GALNT17: variants seen among roughly 807,000 people sequenced by gnomAD.
GALNT17 encodes polypeptide N-acetylgalactosaminyltransferase 17, also known as UDP-GalNAc:polypeptide N-acetylgalactosaminyltransferase-like 3.
GALNT17 carries 29 observed loss-of-function variants against 63.7 expected under a neutral mutation model. That is an observed-to-expected ratio of 0.46 (90% CI 0.34 to 0.62). GALNT17 has a LOEUF of 0.62. Among genes scored for constraint, GALNT17 ranks in the 20% least tolerant of loss-of-function variants. The pLI, the probability that GALNT17 is intolerant of heterozygous loss-of-function variation, is 0.01. For missense variants in GALNT17, 603 were observed against 799.6 expected (o/e 0.75, Z 2.97); for synonymous variants, 305 against 318.3 (o/e 0.96, Z 0.45).
intron 1 of GALNT17, among the ~76,000 whole-genome samples, chr7:71,228,990 G>T (rs914577222): frequency 6.6e-6 from 1 of 152,130 alleles, no homozygotes; most frequent in African/African-American, 2.4e-5. Flanking sequence ...CCTATGCCTG[G>T]ATCATCCAGG....
At chr7:71,705,398 C>T (rs1015947879) in intron 9 of GALNT17, among the ~76,000 whole-genome samples, 8 of 152,080 alleles carry the variant, frequency 5.3e-5, no homozygotes, top group Non-Finnish European at 8.8e-5. Flanking sequence ...ATTGAAACCC[C>T]GGTTCATTGC....
At chr7:71,695,234 T>A (rs1403103597) in intron 9 of GALNT17, among the ~76,000 whole-genome samples, 1 of 152,144 alleles carries the variant, frequency 6.6e-6, no homozygotes, top group Non-Finnish European at 1.5e-5. Context: ...AGACCCTGCC[T>A]CCATCAGAAC....
intron 1 of GALNT17, among the ~76,000 whole-genome samples, chr7:71,321,906 C>CCTTCCTTT (rs1791617634): frequency 9.5e-6 from 1 of 104,896 alleles, no homozygotes; most frequent in Non-Finnish European, 1.9e-5. Context: ...TTCCTTCCTT[C>CCTTCCTTT]CTTCCTTCCT....
intron 9 of GALNT17, among the ~76,000 whole-genome samples, chr7:71,704,767 G>C (rs1383942233): frequency 6.6e-6 from 1 of 152,076 alleles, no homozygotes; most frequent in Non-Finnish European, 1.5e-5. Flanking sequence ...ATTCAATAAG[G>C]AAAGAATAGT....
chr7:71,605,534 C>G (rs1004575921), intron 6 of GALNT17, among the ~76,000 whole-genome samples: 1 of 144,766 alleles, frequency 6.9e-6, no homozygotes, highest in Non-Finnish European at 1.5e-5. Flanking sequence ...TGCAGTGAGA[C>G]AAGATAGCAC....
At chr7:71,151,359 C>A (rs373694550) in intron 1 of GALNT17, among the ~76,000 whole-genome samples, 1 of 151,928 alleles carries the variant, frequency 6.6e-6, no homozygotes, top group South Asian at 2.1e-4. Flanking sequence ...TGGTGGCTCA[C>A]GCCTGTAGTC....
intron 2 of GALNT17, among the ~76,000 whole-genome samples, chr7:71,376,461 T>C (rs1449986871): frequency 1.5e-5 from 2 of 133,862 alleles, no homozygotes; most frequent in African/African-American, 5.7e-5. Context: ...TTTGCTTTAG[T>C]TGAATTCATC....
At chr7:71,258,970 T>G (rs1455153299) in intron 1 of GALNT17, among the ~76,000 whole-genome samples, 1 of 152,142 alleles carries the variant, frequency 6.6e-6, no homozygotes, top group Non-Finnish European at 1.5e-5. Flanking sequence ...GCATAGTGTA[T>G]TTCTGATGCT....
intron 2 of GALNT17, among the ~76,000 whole-genome samples, chr7:71,359,455 C>G (rs1293061534): frequency 6.6e-6 from 1 of 152,122 alleles, no homozygotes; most frequent in Non-Finnish European, 1.5e-5. Context: ...GAGGATAGCT[C>G]CAAGGCATCC....
chr7:71,370,454 C>A (rs1792600599), intron 2 of GALNT17, among the ~76,000 whole-genome samples: 1 of 151,664 alleles, frequency 6.6e-6, no homozygotes, highest in Admixed American at 6.6e-5. Context: ...GTGTGCCACC[C>A]AAGGCTGGCT....
chr7:71,433,783 T>C (rs1307181532), intron 5 of GALNT17, among the ~76,000 whole-genome samples: 2 of 152,168 alleles, frequency 1.3e-5, no homozygotes, highest in Non-Finnish European at 2.9e-5. Flanking sequence ...TAATACTGGG[T>C]GTCAACTTGA....
intron 1 of GALNT17, among the ~76,000 whole-genome samples, chr7:71,311,075 A>G (rs1431189915): frequency 1.3e-5 from 2 of 152,190 alleles, no homozygotes; most frequent in Non-Finnish European, 2.9e-5. Flanking sequence ...CTCCATGGAT[A>G]TTATTTTTCT....
In GALNT17 at chr7:71,431,303, C is replaced by T. The variant is rs750860226; in HGVS notation, c.962+10198C>T. ...TCAACTCACTGCAACCTCCACCTCC[C>T]GGGTTCAAGTGATTCTCCCGCCTCA... On this transcript the variant is annotated intron_variant, in intron 5 of 10. Transcript: ENST00000333538. Among the ~76,000 whole-genome samples the T allele has an allele frequency of 1.1e-4, 16 of 150,324 alleles. No homozygotes were observed. In the East Asian group the frequency reaches 1.2e-3, roughly 11 times the overall value.
At chr7:71,521,931 C>T (rs1043447985) in intron 5 of GALNT17, among the ~76,000 whole-genome samples, 13 of 152,240 alleles carry the variant, frequency 8.5e-5, no homozygotes, top group Non-Finnish European at 1.6e-4. Flanking sequence ...AGTCACAGAA[C>T]GTTAGATCAT....
chr7:71,474,713 G>A (rs1426187167), intron 5 of GALNT17, among the ~76,000 whole-genome samples: 1 of 152,124 alleles, frequency 6.6e-6, no homozygotes, highest in African/African-American at 2.4e-5. Context: ...CAACTTTGCA[G>A]CTATCCCTAC....
At chr7:71,140,085 G>A (rs1200319853) in intron 1 of GALNT17, among the ~76,000 whole-genome samples, 1 of 152,194 alleles carries the variant, frequency 6.6e-6, no homozygotes, top group Non-Finnish European at 1.5e-5. Context: ...GCCAGAGGTG[G>A]TCTGGTGTTA....
At chr7:71,136,995 A>C (rs1787795548) in intron 1 of GALNT17, among the ~76,000 whole-genome samples, 1 of 151,152 alleles carries the variant, frequency 6.6e-6, no homozygotes, top group Non-Finnish European at 1.5e-5. Flanking sequence ...CCATGTTGCC[A>C]GGGCTGGTTT....
At chr7:71,625,831 A>G (rs1374291583) in intron 6 of GALNT17, among the ~76,000 whole-genome samples, 1 of 152,224 alleles carries the variant, frequency 6.6e-6, no homozygotes, top group Non-Finnish European at 1.5e-5. Flanking sequence ...CATATGTTGA[A>G]GCCTTAATCC....
intron 1 of GALNT17, among the ~76,000 whole-genome samples, chr7:71,218,379 G>A (rs1340007299): frequency 6.6e-6 from 1 of 152,154 alleles, no homozygotes; most frequent in Non-Finnish European, 1.5e-5. Flanking sequence ...TTATTCTGGT[G>A]CCCAGGGTGC....
Sources: gnomAD v4.1 joint callset for allele counts (sites outside exome capture counted in the v4.1 genomes callset) on GRCh38, gnomAD v4.1.1 for gene constraint, MANE v1.5 for transcripts, NCBI Gene and HGNC (gene_info 2026-07-23, HGNC 2026-07-21) for gene names.